Variants in MAF observed in about 807,000 individuals in gnomAD.
The protein encoded by MAF is MAF bZIP transcription factor.
A neutral mutation model predicts 22.0 loss-of-function variants in MAF; 10 were observed. That is an observed-to-expected ratio of 0.45 (90% CI 0.28 to 0.77). The LOEUF (loss-of-function observed/expected upper bound fraction) is 0.77. MAF is among the 30% of genes least tolerant of loss of function. The pLI is 0.12. For missense variants in MAF, 544 were observed against 548.4 expected (o/e 0.99, Z 0.08); for synonymous variants, 337 against 255.8 (o/e 1.32, Z -3.03).
chr16:79,395,167 G>A, the MAF span, among the ~76,000 whole-genome samples: 2 of 152,192 alleles, frequency 1.3e-5, no homozygotes, highest in African/African-American at 2.4e-5. Context: ...ACTGGGACAC[G>A]TGTTTTGCGA....
chr16:79,317,287 T>C, the MAF span, among the ~76,000 whole-genome samples: 12 of 146,292 alleles, frequency 8.2e-5, no homozygotes, highest in South Asian at 2.8e-3. Context: ...CTTCCTTCCT[T>C]CCTTTTCTCC....
the MAF span, among the ~76,000 whole-genome samples, chr16:79,459,983 C>T: frequency 4.6e-5 from 7 of 152,148 alleles, no homozygotes; most frequent in African/African-American, 7.2e-5. Flanking sequence ...TGGGTATGTG[C>T]ATTTAAAATA....
the MAF span, among the ~76,000 whole-genome samples, chr16:79,454,670 C>A: frequency 6.6e-6 from 1 of 152,146 alleles, no homozygotes; most frequent in Non-Finnish European, 1.5e-5. Context: ...CCCTACACAC[C>A]TGTTCTTTCA....
chr16:79,256,559 T>C, the MAF span, among the ~76,000 whole-genome samples: 1 of 152,168 alleles, frequency 6.6e-6, no homozygotes, highest in South Asian at 2.1e-4. Flanking sequence ...ACCAGGAGCG[T>C]ACCTGAGTTG....
At chr16:79,557,926 A>G in the MAF span, among the ~76,000 whole-genome samples, 1,951 of 151,000 alleles carry the variant, frequency 0.013, 61 homozygotes, top group African/African-American at 0.045. Context: ...TCCTGAGGGA[A>G]GTGACATTTA....
chr16:79,209,387 A>G, the MAF span, among the ~76,000 whole-genome samples: 12 of 152,348 alleles, frequency 7.9e-5, no homozygotes, highest in Middle Eastern at 3.4e-3. Context: ...TTATCAGGTT[A>G]GGAAGAATTC....
At chr16:79,549,174 A>G in the MAF span, among the ~76,000 whole-genome samples, 1 of 152,204 alleles carries the variant, frequency 6.6e-6, no homozygotes, top group Non-Finnish European at 1.5e-5. Flanking sequence ...GATGGTGACG[A>G]GCAACAGGAA....
At chr16:79,463,239 A>G in the MAF span, among the ~76,000 whole-genome samples, 8 of 152,256 alleles carry the variant, frequency 5.3e-5, no homozygotes, top group South Asian at 1.4e-3. Context: ...ACATAGAGCC[A>G]TGAAAGCTAT....
the MAF span, among the ~76,000 whole-genome samples, chr16:79,329,553 G>A: frequency 6.6e-6 from 1 of 151,990 alleles, no homozygotes; most frequent in South Asian, 2.1e-4. Context: ...TAAAAAAACT[G>A]TACATTAAGC....
chr16:79,318,594 C>G, the MAF span, among the ~76,000 whole-genome samples: 1 of 152,158 alleles, frequency 6.6e-6, no homozygotes. Context: ...TGCTGACAGC[C>G]CTTGGCGCAA....
At chr16:79,400,020 T>C in the MAF span, among the ~76,000 whole-genome samples, 5 of 152,214 alleles carry the variant, frequency 3.3e-5, no homozygotes, top group African/African-American at 1.2e-4. Context: ...TGAATAGTAA[T>C]GGCAGTACCC....
the MAF span, among the ~76,000 whole-genome samples, chr16:79,567,699 C>T: frequency 1.1e-4 from 16 of 152,302 alleles, no homozygotes; most frequent in African/African-American, 3.4e-4. Context: ...TGCCTACCAT[C>T]GCCTCCATGA....
At chr16:79,447,911 AAAAG>A in the MAF span, among the ~76,000 whole-genome samples, 3 of 106,336 alleles carry the variant, frequency 2.8e-5, no homozygotes, top group African/African-American at 8.5e-5. Flanking sequence ...AAAAAAAAAG[AAAAG>A]AAAAAGAAAA....
the MAF span, among the ~76,000 whole-genome samples, chr16:79,300,640 T>G: frequency 6.6e-6 from 1 of 151,152 alleles, no homozygotes; most frequent in South Asian, 2.1e-4. Context: ...TCCTAAAGAT[T>G]ATGAAAATAA....
chr16:79,539,630 A>G, the MAF span, among the ~76,000 whole-genome samples: 2 of 152,278 alleles, frequency 1.3e-5, no homozygotes, highest in African/African-American at 4.8e-5. Context: ...AAGATGTTCA[A>G]TATAGTGTTA....
downstream of MAF, among the ~76,000 whole-genome samples, chr16:79,585,249 A>G (rs1342536504): frequency 6.6e-6 from 1 of 152,216 alleles, no homozygotes; most frequent in Non-Finnish European, 1.5e-5. Context: ...CATTATTTTA[A>G]TAGATGAAAA....
chr16:79,235,964 A>T, the MAF span, among the ~76,000 whole-genome samples: 1 of 151,962 alleles, frequency 6.6e-6, no homozygotes, highest in Admixed American at 6.6e-5. Context: ...TTCTCTCCTA[A>T]AATTGTTCTC....
At chr16:79,381,293 T>G in the MAF span, among the ~76,000 whole-genome samples, 3 of 152,242 alleles carry the variant, frequency 2.0e-5, no homozygotes, top group African/African-American at 7.2e-5. Context: ...GGTCACATTA[T>G]GCATTTCTGT....
chr16:79,214,076 C>T, the MAF span, among the ~76,000 whole-genome samples: 1 of 152,148 alleles, frequency 6.6e-6, no homozygotes, highest in Non-Finnish European at 1.5e-5. Flanking sequence ...CAGAAACCAG[C>T]ATGCCTTTCT....
Sources: gnomAD v4.1 joint callset for allele counts (sites outside exome capture counted in the v4.1 genomes callset) on GRCh38, gnomAD v4.1.1 for gene constraint, MANE v1.5 for transcripts, NCBI Gene and HGNC (gene_info 2026-07-23, HGNC 2026-07-21) for gene names.